The following CILK1 variants were observed in gnomAD, a reference collection of about 807,000 sequenced individuals.
CILK1 encodes the protein serine/threonine-protein kinase ICK.
A neutral mutation model predicts 79.2 loss-of-function variants in CILK1; 47 were observed. The ratio of observed to expected loss-of-function variants is 0.59; its 90% CI spans 0.47 to 0.76. CILK1 has a LOEUF of 0.76. Among genes scored for constraint, CILK1 ranks in the 30% least tolerant of loss-of-function variants. CILK1 has a pLI of 0.00. For missense variants in CILK1, 660 were observed against 769.5 expected (o/e 0.86, Z 1.68); for synonymous variants, 266 against 275.9 (o/e 0.96, Z 0.36).
intron 2 of CILK1, among the ~76,000 whole-genome samples, chr6:53,039,976 G>T (rs529160041): frequency 6.6e-6 from 1 of 152,198 alleles, no homozygotes; most frequent in African/African-American, 2.4e-5. Context: ...GAAGGCAGGA[G>T]GACTCCCAGG....
Position 53,012,044 on chromosome 6 carries a change from G to A in CILK1, c.1336C>T (p.Leu446Phe), listed in dbSNP as rs2127408323. The A allele has an allele frequency of 6.2e-7, 1 of 1,614,180 alleles. No individual in the cohort carries two copies. Among genetic ancestry groups the A allele is most frequent in the South Asian group, 1.1e-5 (1 of 91,090 alleles). ...TGTGAGCAGCACACTTGCCTGCAGA[G>A]AGTGTCATCACTCTGTCTTTTCTTG... ...KNKKRQSDDT[L>F]CRFESVLDLK... The change falls in exon 10 of 14, where the codon CTC becomes TTC. Residue 446 changes from leucine (L) to phenylalanine (F), a missense_variant. Physicochemically the swap from Leu to Phe is conservative, Grantham distance 22. Coordinates refer to ENST00000676107, the MANE Select transcript of CILK1 (RefSeq NM_014920.5).
rs867156816 is a variant in CILK1, at chr6:53,015,317, C to T, written c.831+766G>A. Reference sequence around the variant, plus strand: ...GCCTGTGAGTGATAAGAGCCCCCAGCGTTACCATACCTCTTTTGGGTATAT... The same window carrying T: ...GCCTGTGAGTGATAAGAGCCCCCAGTGTTACCATACCTCTTTTGGGTATAT... On this transcript the variant is annotated intron_variant, in intron 8 of 13. Transcript: ENST00000676107. 4.6e-5 allele frequency among the ~76,000 whole-genome samples: 7 copies of T among 152,146 alleles called. No homozygotes were observed. In the South Asian group the frequency reaches 6.2e-4, roughly 13 times the overall value.
chr6:53,041,376 C>G lies in CILK1; in HGVS notation c.-140G>C. ...GTATTCAATAGGACGTGACTGTCTC[C>G]CAAATACATATTTCCAAAAATCAGT... On this transcript the variant is annotated 5_prime_UTR_variant, in exon 2 of 14. Transcript: ENST00000676107. 2 of 673,198 alleles carry G rather than the reference C, an allele frequency of 3.0e-6. No homozygotes were observed. The highest frequency in any genetic ancestry group is 5.3e-5 in the East Asian group (2 of 37,474). 41.7% of individuals were successfully genotyped at this position (673,198 alleles called of 1,614,324 possible).
chr6:53,015,472 A>G (rs189850489), intron 8 of CILK1, among the ~76,000 whole-genome samples: 46 of 152,380 alleles, frequency 3.0e-4, no homozygotes, highest in African/African-American at 1.1e-3. Flanking sequence ...GAACTAATTA[A>G]TGGATGAGTG....
intron 1 of CILK1, among the ~76,000 whole-genome samples, chr6:53,043,371 TTC>T (rs1033263638): frequency 4.1e-4 from 63 of 152,050 alleles, no homozygotes; most frequent in African/African-American, 1.5e-3. Context: ...CCAGACTGTG[TTC>T]TCCTGAAAGC....
chr6:53,058,501 G>A (rs575421195), intron 1 of CILK1, among the ~76,000 whole-genome samples: 1 of 152,172 alleles, frequency 6.6e-6, no homozygotes, highest in African/African-American at 2.4e-5. Flanking sequence ...CACAAACTAA[G>A]ACACAATTAC....
chr6:53,058,337 T>C (rs919097835), intron 1 of CILK1, among the ~76,000 whole-genome samples: 1 of 152,228 alleles, frequency 6.6e-6, no homozygotes, highest in African/African-American at 2.4e-5. Context: ...AAGGCATCTC[T>C]GATTTTCTTC....
In CILK1 at chr6:53,032,328, A is replaced by T. The variant is rs150834; in HGVS notation, c.278+205T>A. Among the ~76,000 whole-genome samples, 108,887 of 151,812 alleles carry T rather than the reference A, an allele frequency of 0.72. 39,386 individuals are homozygous for T. Among genetic ancestry groups the T allele is most frequent in the East Asian group, 0.86 (4,481 of 5,184 alleles). ...TGCAATAAGAAAAGAAAAGCACACC[A>T]GCATGGCACATGTATACATATGCAA... On this transcript the variant is annotated intron_variant, in intron 4 of 13. Coordinates refer to ENST00000676107, the MANE Select transcript of CILK1 (RefSeq NM_014920.5).
At chr6:53,012,470 T>A (rs1010337652) in intron 9 of CILK1, among the ~76,000 whole-genome samples, 1 of 152,152 alleles carries the variant, frequency 6.6e-6, no homozygotes, top group South Asian at 2.1e-4. Flanking sequence ...GATAAAAAAA[T>A]TTTTAAGATA....
At chr6:53,023,648 A>G (rs1268006427) in intron 5 of CILK1, among the ~76,000 whole-genome samples, 3 of 152,146 alleles carry the variant, frequency 2.0e-5, no homozygotes, top group Admixed American at 6.6e-5. Flanking sequence ...TTTTCCAAAG[A>G]CTGTCACTGC....
At chr6:53,021,522 T>G (rs187729260) in intron 5 of CILK1, among the ~76,000 whole-genome samples, 2 of 152,186 alleles carry the variant, frequency 1.3e-5, no homozygotes, top group Admixed American at 6.5e-5. Flanking sequence ...CTCCTTTTTA[T>G]ATTAAACAGG....
chr6:53,005,169 T>C lies in CILK1; in HGVS notation c.1879A>G (p.Lys627Glu). The C allele has an allele frequency of 6.2e-7, 1 of 1,614,182 alleles. No homozygotes were observed. Residue 627 changes from lysine (K) to glutamate (E), a missense_variant, in exon 14 of 14, where the codon AAG (lysine) becomes GAG (glutamate). Transcript: ENST00000676107. ...GACAGTCATCGCCGAGATGCGTACT[T>C]GGAAGCCCAGTCTGTCCGGCCATGC... is the stretch of plus-strand genomic sequence containing the variant. ...PVHGRTDWAS[K>E]YASRR
chr6:53,045,177 C>G lies in CILK1; in HGVS notation c.-172-3769G>C, dbSNP rs906240522. 5.3e-5 allele frequency among the ~76,000 whole-genome samples: 8 copies of G among 152,226 alleles called. No homozygotes were observed. In the East Asian group the frequency reaches 1.3e-3, roughly 26 times the overall value. ...AATACAACTTGTTGAGAAGACAGAA[C>G]ACTATCATATACCATGGTTCCTCCA... On this transcript the variant is annotated intron_variant, in intron 1 of 13. Transcript: ENST00000676107.
Position 53,012,027 on chromosome 6 carries a change from G to A in CILK1, c.1343+10C>T. 6 of 1,613,680 alleles carry A rather than the reference G, an allele frequency of 3.7e-6. No homozygotes were observed. The highest frequency in any genetic ancestry group is 5.1e-6 in the Non-Finnish European group (6 of 1,179,590). ...TTCAGTCTGTTTACAAATGTGAGCA[G>A]CACACTTGCCTGCAGAGAGTGTCAT... is the stretch of plus-strand genomic sequence containing the variant. On this transcript the variant is annotated intron_variant, in intron 10 of 13. Coordinates refer to ENST00000676107, the MANE Select transcript of CILK1 (RefSeq NM_014920.5).
chr6:53,045,791 TAAAAA>T (rs34673433), intron 1 of CILK1, among the ~76,000 whole-genome samples: 4 of 113,358 alleles, frequency 3.5e-5, no homozygotes, highest in African/African-American at 6.9e-5. Context: ...GTCATCTTCC[TAAAAA>T]AAAAAAAAAA....
At chr6:53,008,354 G>C (rs1015910720) in intron 12 of CILK1, among the ~76,000 whole-genome samples, 6 of 151,892 alleles carry the variant, frequency 4.0e-5, no homozygotes, top group African/African-American at 9.7e-5. Context: ...GGCTGGCATG[G>C]GGGGAGGTAA....
chr6:53,016,454 G>A (rs1035800981), intron 7 of CILK1, among the ~76,000 whole-genome samples: 1 of 151,952 alleles, frequency 6.6e-6, no homozygotes. Context: ...CATGAAATCT[G>A]GGGGAATAGT....
intron 4 of CILK1, among the ~76,000 whole-genome samples, chr6:53,031,867 G>A (rs1405810106): frequency 6.6e-6 from 1 of 152,032 alleles, no homozygotes; most frequent in South Asian, 2.1e-4. Context: ...GAGTTTCGCC[G>A]TTGTTGACCA....
chr6:53,021,783 T>C (rs890406438), intron 5 of CILK1, among the ~76,000 whole-genome samples: 3 of 149,530 alleles, frequency 2.0e-5, no homozygotes, highest in African/African-American at 7.5e-5. Context: ...AGAATTGTAC[T>C]CCTTCTACTT....
Sources: gnomAD v4.1 joint callset for allele counts (sites outside exome capture counted in the v4.1 genomes callset) on GRCh38, gnomAD v4.1.1 for gene constraint, MANE v1.5 for transcripts, NCBI Gene and HGNC (gene_info 2026-07-23, HGNC 2026-07-21) for gene names.